Variants in RAB3C observed in about 807,000 individuals in gnomAD.
RAB3C encodes the protein RAB3C, member RAS oncogene family, also known as ras-related protein Rab-3C.
In RAB3C, 17 loss-of-function variants were observed where a neutral mutation model predicts 26.4. The observed-to-expected ratio is 0.64, with a 90% CI of 0.44 to 0.97. RAB3C has a LOEUF of 0.97. Ranked by LOEUF, RAB3C falls within the 50% of genes least tolerant of loss-of-function variation. The pLI is 0.00. For missense variants in RAB3C, 242 were observed against 281.9 expected, an observed-to-expected ratio of 0.86 and a Z score of 1.01; for synonymous variants, 91 against 95.9, an observed-to-expected ratio of 0.95 and a Z score of 0.30.
intron 3 of RAB3C, among the ~76,000 whole-genome samples, chr5:58,783,208 A>G (rs1045988113): frequency 6.6e-6 from 1 of 152,182 alleles, no homozygotes; most frequent in Non-Finnish European, 1.5e-5. Flanking sequence ...CTCCCCAATC[A>G]TAAAGAAAAT....
intron 3 of RAB3C, among the ~76,000 whole-genome samples, chr5:58,744,043 C>G (rs974691696): frequency 7.2e-5 from 11 of 152,140 alleles, no homozygotes; most frequent in African/African-American, 2.4e-4. Flanking sequence ...TTTTGTGACT[C>G]AGATAGACAC....
intron 1 of RAB3C, among the ~76,000 whole-genome samples, chr5:58,589,876 A>G (rs1373700090): frequency 6.6e-6 from 1 of 152,218 alleles, no homozygotes; most frequent in African/African-American, 2.4e-5. Context: ...CAGTTTCAAA[A>G]CATGAAAAGA....
At chr5:58,684,181 A>G (rs1748400264) in intron 2 of RAB3C, among the ~76,000 whole-genome samples, 1 of 152,192 alleles carries the variant, frequency 6.6e-6, no homozygotes, top group African/African-American at 2.4e-5. Flanking sequence ...CATAGCATTT[A>G]CATTGTATTA....
At chr5:58,599,296 A>G (rs1746397772) in intron 1 of RAB3C, among the ~76,000 whole-genome samples, 1 of 152,160 alleles carries the variant, frequency 6.6e-6, no homozygotes, top group Admixed American at 6.6e-5. Flanking sequence ...CTGGATTACC[A>G]GTAGCTGGGT....
chr5:58,785,409 T>C (rs991138726), intron 3 of RAB3C, among the ~76,000 whole-genome samples: 1 of 152,224 alleles, frequency 6.6e-6, no homozygotes, highest in South Asian at 2.1e-4. Flanking sequence ...TCTGAGCCTA[T>C]TTTTCTTTTG....
intron 1 of RAB3C, among the ~76,000 whole-genome samples, chr5:58,595,127 T>G (rs185055357): frequency 6.6e-6 from 1 of 152,272 alleles, no homozygotes; most frequent in Admixed American, 6.5e-5. Context: ...AGTCAAGGCC[T>G]TCTTCCACAG....
intron 4 of RAB3C, among the ~76,000 whole-genome samples, chr5:58,842,582 G>A (rs1028487319): frequency 6.6e-6 from 1 of 152,128 alleles, no homozygotes; most frequent in African/African-American, 2.4e-5. Context: ...ACTGGCATTT[G>A]CATGGCTTGG....
intron 2 of RAB3C, among the ~76,000 whole-genome samples, chr5:58,697,101 C>T (rs1469694038): frequency 6.6e-6 from 1 of 152,086 alleles, no homozygotes; most frequent in Non-Finnish European, 1.5e-5. Flanking sequence ...TAAACGTGTC[C>T]CAGAGGTTCT....
intron 3 of RAB3C, among the ~76,000 whole-genome samples, chr5:58,743,448 A>G (rs1408865610): frequency 6.6e-6 from 1 of 151,858 alleles, no homozygotes; most frequent in Non-Finnish European, 1.5e-5. Flanking sequence ...CAGAATGTGC[A>G]GGTTTGTTAC....
chr5:58,840,430 G>A (rs1743852837), intron 4 of RAB3C, among the ~76,000 whole-genome samples: 1 of 151,996 alleles, frequency 6.6e-6, no homozygotes, highest in Admixed American at 6.6e-5. Context: ...GTTTTCTTAA[G>A]TTTATTGTTT....
intron 1 of RAB3C, among the ~76,000 whole-genome samples, chr5:58,617,268 A>C (rs546839965): frequency 2.0e-5 from 3 of 152,178 alleles, no homozygotes; most frequent in Non-Finnish European, 4.4e-5. Context: ...CTGTTCAGCC[A>C]CTTTGGTGTC....
chr5:58,628,746 C>T (rs138345262), intron 2 of RAB3C, among the ~76,000 whole-genome samples: 221 of 152,242 alleles, frequency 1.5e-3, no homozygotes, highest in African/African-American at 5.0e-3. Flanking sequence ...ATATCCAGCA[C>T]AAGAAAGAAG....
chr5:58,830,410 G>A (rs1446035973), intron 4 of RAB3C, among the ~76,000 whole-genome samples: 1 of 152,104 alleles, frequency 6.6e-6, no homozygotes, highest in African/African-American at 2.4e-5. Context: ...ATATTTCTGT[G>A]TCACCAAGCA....
chr5:58,604,280 T>G (rs1343302874), intron 1 of RAB3C, among the ~76,000 whole-genome samples: 5 of 152,232 alleles, frequency 3.3e-5, no homozygotes, highest in Non-Finnish European at 7.3e-5. Context: ...TTTGTCCTGG[T>G]TGGCCTTCTG....
At chr5:58,645,514 T>TCCACCTAC (rs1344566537) in intron 2 of RAB3C, among the ~76,000 whole-genome samples, 2 of 152,224 alleles carry the variant, frequency 1.3e-5, no homozygotes, top group African/African-American at 4.8e-5. Context: ...TATTCATTCA[T>TCCACCTAC]CCACCTACCC....
At chr5:58,767,997 A>T (rs780529777) in intron 3 of RAB3C, among the ~76,000 whole-genome samples, 1 of 152,204 alleles carries the variant, frequency 6.6e-6, no homozygotes, top group Non-Finnish European at 1.5e-5. Flanking sequence ...AGAAAAAGCC[A>T]GCCCCTGACA....
At chr5:58,694,044 T>G (rs191055890) in intron 2 of RAB3C, among the ~76,000 whole-genome samples, 1 of 152,184 alleles carries the variant, frequency 6.6e-6, no homozygotes, top group Non-Finnish European at 1.5e-5. Context: ...TAACTCATTA[T>G]TGACATTAGG....
At chr5:58,806,731 T>C (rs890872029) in intron 3 of RAB3C, among the ~76,000 whole-genome samples, 2 of 152,098 alleles carry the variant, frequency 1.3e-5, no homozygotes, top group Non-Finnish European at 2.9e-5. Context: ...TCCCCAGATG[T>C]CACTGGGGAA....
At position 58,793,581 on chromosome 5, in the gene RAB3C, C is replaced by CT. The variant is rs55954473; in HGVS notation, c.372-31444dup. ...AAGTGTTACAGACTTCATTTTGCCACTTTTTTTTTTTTTGCTTTGGCAGAG... is the reference window on the plus strand; with the variant it reads ...AAGTGTTACAGACTTCATTTTGCCACTTTTTTTTTTTTTTGCTTTGGCAGAG... On this transcript the variant is annotated intron_variant, in intron 3 of 4. Coordinates refer to ENST00000282878, the MANE Select transcript of RAB3C (RefSeq NM_138453.4). 4.8e-3 allele frequency among the ~76,000 whole-genome samples: 664 copies of CT among 138,228 alleles called. 12 individuals carry two copies. The highest frequency in any genetic ancestry group is 0.011 in the East Asian group (54 of 4,796). 90.7% of individuals were successfully genotyped at this position (138,228 alleles called of 152,430 possible).
Sources: allele counts gnomAD v4.1 joint callset (sites outside exome capture counted in the v4.1 genomes callset), GRCh38; gene constraint gnomAD v4.1.1; transcripts MANE v1.5; gene names NCBI Gene and HGNC (gene_info 2026-07-23, HGNC 2026-07-21).